DNAJC10: variants seen among roughly 807,000 people sequenced by gnomAD.
The protein encoded by DNAJC10 is endoplasmic reticulum disulfide reductase DNAJC10.
A neutral mutation model predicts 115.0 loss-of-function variants in DNAJC10; 101 were observed. The observed-to-expected ratio is 0.88, with a 90% CI of 0.75 to 1.04. DNAJC10 has a LOEUF of 1.04. Among genes scored for constraint, DNAJC10 ranks in the 50% least tolerant of loss-of-function variants. DNAJC10 has a pLI of 0.00. For missense variants in DNAJC10, 981 were observed against 928.8 expected, an observed-to-expected ratio of 1.06 and a Z score of -0.73; for synonymous variants, 307 against 301.5, an observed-to-expected ratio of 1.02 and a Z score of -0.19.
chr2:182,746,208 T>G (rs1693862076), intron 14 of DNAJC10, among the ~76,000 whole-genome samples: 1 of 152,216 alleles, frequency 6.6e-6, no homozygotes, highest in Non-Finnish European at 1.5e-5. Context: ...CGTGTGCATG[T>G]GTCTTTGTAG....
rs1205810898 is a variant in DNAJC10 at position 182,746,951 on chromosome 2, C to T, written c.1306+3239C>T. Among the ~76,000 whole-genome samples, 9 of 151,494 alleles carry T rather than the reference C, an allele frequency of 5.9e-5. 1 individual carries two copies. Among genetic ancestry groups the T allele is most frequent in the Admixed American group, 5.9e-4 (9 of 15,230 alleles). ...TCCAGTTTCAGCTTTCTACATATGG[C>T]TAGCCAGTTTTCCCAGCACCATTTA... On this transcript the variant is annotated intron_variant, in intron 14 of 23. Transcript: ENST00000264065.
intron 5 of DNAJC10, among the ~76,000 whole-genome samples, chr2:182,727,808 A>C (rs1461149119): frequency 6.6e-6 from 1 of 152,242 alleles, no homozygotes; most frequent in African/African-American, 2.4e-5. Context: ...TCGCCTTTTT[A>C]TCTTGAATGT....
chr2:182,736,825 G>A (rs1693597514), intron 11 of DNAJC10, among the ~76,000 whole-genome samples: 1 of 151,970 alleles, frequency 6.6e-6, no homozygotes, highest in Non-Finnish European at 1.5e-5. Context: ...TCTCGGCTCG[G>A]TGCAACCTCT....
rs1011115827 is a variant in DNAJC10, at chr2:182,791,336, A to G, written c.*14204A>G. On this transcript the variant is annotated 3_prime_UTR_variant, in exon 24 of 24. Coordinates refer to ENST00000264065, the MANE Select transcript of DNAJC10 (RefSeq NM_018981.4). ...TCAAAAGTTAAAAATTAAGAGAGAT[A>G]TGTATTCAGGTGGCCATTTATACAC... 6.6e-6 allele frequency: 1 copy of G among 152,216 alleles called. No homozygotes were observed. Among genetic ancestry groups the G allele is most frequent in the Admixed American group, 6.5e-5 (1 of 15,278 alleles). The allele number at this position is 152,216 out of a possible 1,614,324, so 9.4% of individuals were successfully genotyped here.
rs1694955476 is a variant in DNAJC10 at position 182,786,856 on chromosome 2, A to G, written c.*9724A>G. On this transcript the variant is annotated 3_prime_UTR_variant, in exon 24 of 24. Transcript: ENST00000264065. ...TCCTAACCCCCAAGGTAATGGTATT[A>G]GGAATGTGAGGCCTTTGGGAAGGGT... The G allele has an allele frequency of 6.6e-6, 1 of 152,292 alleles. No individual in the cohort carries two copies. The highest frequency in any genetic ancestry group is 6.5e-5 in the Admixed American group (1 of 15,284). The allele number at this position is 152,292 out of a possible 1,614,324, so 9.4% of individuals were successfully genotyped here.
chr2:182,716,690 C>G (rs1020908875), intron 1 of DNAJC10, among the ~76,000 whole-genome samples: 1 of 152,246 alleles, frequency 6.6e-6, no homozygotes. Flanking sequence ...CAGTTACTTA[C>G]ACTTTCTCCC....
chr2:182,751,590 C>G (rs1443528348), intron 14 of DNAJC10, 68 bp from the exon 15 acceptor site: 10 of 1,533,874 alleles, frequency 6.5e-6, no homozygotes, highest in Admixed American at 5.8e-5. Context: ...AGTATTAAAA[C>G]TTTGAAATGT....
chr2:182,753,007 C>A (rs1694064103), intron 16 of DNAJC10, among the ~76,000 whole-genome samples: 1 of 152,130 alleles, frequency 6.6e-6, no homozygotes, highest in African/African-American at 2.4e-5. Flanking sequence ...TGAACACTGA[C>A]AAGATATCTG....
At chr2:182,767,927 CAT>C (rs1694457043) in intron 22 of DNAJC10, among the ~76,000 whole-genome samples, 1 of 152,144 alleles carries the variant, frequency 6.6e-6, no homozygotes, top group South Asian at 2.1e-4. Flanking sequence ...GCACAAATAA[CAT>C]ACACACAGTG....
chr2:182,753,237 C>T (rs576352351), intron 16 of DNAJC10, among the ~76,000 whole-genome samples: 140 of 151,952 alleles, frequency 9.2e-4, no homozygotes, highest in African/African-American at 3.1e-3. Context: ...TATGAATACG[C>T]GAGAGTTTGT....
intron 23 of DNAJC10, 146 bp downstream of exon 23, chr2:182,775,566 A>T (rs1233344573): frequency 1.2e-5 from 7 of 567,416 alleles, no homozygotes; most frequent in Non-Finnish European, 2.2e-5. Flanking sequence ...TTTGGGAAAT[A>T]GGACAATCAA....
chr2:182,739,676 G>A (rs897957539), intron 11 of DNAJC10: 547 of 1,044,674 alleles, frequency 5.2e-4, no homozygotes, highest in Non-Finnish European at 6.2e-4. Context: ...TTAAATAAGA[G>A]ACTCGGGCCG....
chr2:182,716,347 C>G lies in DNAJC10; in HGVS notation c.-340C>G, dbSNP rs1367102709. The G allele has an allele frequency of 6.6e-6, 1 of 152,276 alleles. No homozygotes were observed. The highest frequency in any genetic ancestry group is 2.4e-5 in the African/African-American group (1 of 41,458). 9.4% of individuals were successfully genotyped at this position (152,276 alleles called of 1,614,324 possible). ...CGGTGTGGCTGCACCTCACCAATCC[C>G]GTGCGCCGCGGCTGGGCCGTCGGAG... On this transcript the variant is annotated 5_prime_UTR_variant, in exon 1 of 24. Transcript: ENST00000264065.
intron 14 of DNAJC10, among the ~76,000 whole-genome samples, chr2:182,745,128 T>G (rs1350154640): frequency 6.6e-6 from 1 of 152,246 alleles, no homozygotes; most frequent in Non-Finnish European, 1.5e-5. Context: ...GTCAGATTCC[T>G]TAGCATAGAA....
chr2:182,756,595 A>G, intron 18 of DNAJC10, 126 bp downstream of exon 18: 1 of 888,206 alleles, frequency 1.1e-6, no homozygotes. Context: ...TACTGATCAT[A>G]CCACTTTGAT....
chr2:182,762,038 A>G (rs528286369), intron 21 of DNAJC10, among the ~76,000 whole-genome samples: 168 of 152,254 alleles, frequency 1.1e-3, no homozygotes, highest in Admixed American at 1.8e-3. Context: ...CAGTTTGGTC[A>G]AGCGGTCACT....
At chr2:182,739,712 A>G in intron 11 of DNAJC10, 1 of 1,014,054 alleles carries the variant, frequency 9.9e-7, no homozygotes, top group Non-Finnish European at 1.2e-6. Context: ...TAAGATCTGT[A>G]TCATTGTATT....
intron 10 of DNAJC10, among the ~76,000 whole-genome samples, chr2:182,733,513 A>AT (rs887634994): frequency 7.4e-5 from 11 of 148,742 alleles, no homozygotes; most frequent in South Asian, 4.2e-4. Context: ...TAGTATCTTT[A>AT]TTTTTTTTTT....
chr2:182,716,958 G>C, intron 1 of DNAJC10, 58 bp from the exon 2 acceptor site: 2 of 152,150 alleles, frequency 1.3e-5, no homozygotes, highest in East Asian at 3.9e-4. Flanking sequence ...CTCTTTTTCT[G>C]ATGGTTGTTT....
Sources: allele counts gnomAD v4.1 joint callset (sites outside exome capture counted in the v4.1 genomes callset), GRCh38; gene constraint gnomAD v4.1.1; transcripts MANE v1.5; gene names NCBI Gene and HGNC (gene_info 2026-07-23, HGNC 2026-07-21).